PRCC: variants seen among roughly 807,000 people sequenced by gnomAD.
The protein encoded by PRCC is proline-rich protein PRCC.
PRCC carries 10 observed loss-of-function variants against 44.0 expected under a neutral mutation model. The ratio of observed to expected loss-of-function variants is 0.23; its 90% CI spans 0.14 to 0.39. PRCC has a LOEUF of 0.39. Ranked by LOEUF, PRCC falls within the 10% of genes least tolerant of loss-of-function variation. PRCC has a pLI of 1.00. For missense variants in PRCC, 573 were observed against 624.7 expected (o/e 0.92, Z 0.88); for synonymous variants, 278 against 259.5 (o/e 1.07, Z -0.69).
At position 156,791,682 on chromosome 1, in the gene PRCC, C is replaced by G. The variant is rs374148757; in HGVS notation, c.1084-15C>G. 238 of 1,604,816 alleles carry G rather than the reference C, an allele frequency of 1.5e-4. No individual in the cohort carries two copies. Among genetic ancestry groups the G allele is most frequent in the Non-Finnish European group, 1.9e-4 (224 of 1,175,890 alleles). ...GCCCTCAGTTGGTGTGTTTTTCTTT[C>G]CTGTTTGGCTGCAGGATTATTACAG... On this transcript the variant is annotated splice_polypyrimidine_tract_variant and intron_variant, in intron 3 of 6. Transcript: ENST00000271526.
In PRCC at chr1:156,786,952, A is replaced by C; in HGVS notation, c.861A>C (p.Gly287=). The C allele has an allele frequency of 6.2e-7, 1 of 1,614,200 alleles. No individual in the cohort carries two copies. ...FSLPEKAEPP[G]VEPYPYPIPT... The stretch of plus-strand genomic sequence containing the variant: ...TCCCTGAAAAGGCTGAGCCACCTGG[A>C]GTTGAGCCATACCCTTACCCCATCC... The change falls in exon 3 of 7, where the codon GGA becomes GGC. Residue 287 remains glycine (G), a synonymous_variant. Transcript: ENST00000271526.
At chr1:156,769,609 AT>A (rs997373821) in intron 1 of PRCC, among the ~76,000 whole-genome samples, 4 of 146,982 alleles carry the variant, frequency 2.7e-5, no homozygotes, top group African/African-American at 1.0e-4. Context: ...TTTTATTTTT[AT>A]TTTTTTTGAG....
intron 2 of PRCC, among the ~76,000 whole-genome samples, chr1:156,785,128 T>C (rs1652190143): frequency 6.6e-6 from 1 of 152,144 alleles, no homozygotes; most frequent in African/African-American, 2.4e-5. Flanking sequence ...TTAGGGAAAT[T>C]TGCAAGCTGA....
intron 1 of PRCC, among the ~76,000 whole-genome samples, chr1:156,777,421 G>A (rs947287035): frequency 1.3e-5 from 2 of 152,078 alleles, no homozygotes; most frequent in African/African-American, 4.8e-5. Context: ...TGAGTAAATT[G>A]CCTGATACAT....
intron 6 of PRCC, among the ~76,000 whole-genome samples, chr1:156,798,008 A>G (rs910929798): frequency 5.3e-5 from 8 of 151,952 alleles, no homozygotes. Flanking sequence ...CAGTGGTACA[A>G]TCATGGCTTA....
chr1:156,771,690 T>TC (rs1651642878), intron 1 of PRCC, among the ~76,000 whole-genome samples: 1 of 151,596 alleles, frequency 6.6e-6, no homozygotes, highest in South Asian at 2.1e-4. Flanking sequence ...AATGTTTTTT[T>TC]TTTTTCTTCT....
At position 156,767,906 on chromosome 1, in the gene PRCC, C is replaced by T. The variant is rs369138151; in HGVS notation, c.135C>T (p.Pro45=). The T allele has an allele frequency of 2.9e-5, 47 of 1,602,108 alleles. No individual in the cohort carries two copies. The highest frequency in any genetic ancestry group is 2.0e-4 in the Admixed American group (12 of 58,542). ...LGGLFASLPA[P]KGPALLPPPP... is the part of the protein sequence containing the mutation. ...GCTTGTTCGCTTCTCTCCCTGCGCC[C>T]AAGGGTCCGGCCTTGCTGCCTCCGC... Residue 45 remains proline, a synonymous_variant, in exon 1 of 7, where the codon CCC becomes CCT. Coordinates refer to ENST00000271526, the MANE Select transcript of PRCC (RefSeq NM_005973.5).
intron 1 of PRCC, among the ~76,000 whole-genome samples, chr1:156,780,967 G>A (rs1322462360): frequency 6.6e-6 from 1 of 152,158 alleles, no homozygotes; most frequent in Non-Finnish European, 1.5e-5. Flanking sequence ...GACCTCAGGT[G>A]ATCTGCCTGT....
At chr1:156,776,563 T>C (rs1316815696) in intron 1 of PRCC, among the ~76,000 whole-genome samples, 1 of 152,242 alleles carries the variant, frequency 6.6e-6, no homozygotes, top group Non-Finnish European at 1.5e-5. Flanking sequence ...GAATTTTCTT[T>C]CCACAGTGGA....
intron 1 of PRCC, among the ~76,000 whole-genome samples, chr1:156,774,861 G>C (rs1180771148): frequency 6.6e-6 from 1 of 150,542 alleles, no homozygotes; most frequent in Non-Finnish European, 1.5e-5. Context: ...CTGAGGCAGA[G>C]AATTGCTTGA....
Position 156,796,983 on chromosome 1 carries a change from G to A in PRCC, c.1324-293G>A, listed in dbSNP as rs1043514848. 17 of 347,360 alleles carry A rather than the reference G, an allele frequency of 4.9e-5. 1 individual carries two copies. The highest frequency in any genetic ancestry group is 3.0e-4 in the South Asian group (10 of 33,440). The allele number at this position is 347,360 out of a possible 1,614,324, so 21.5% of individuals were successfully genotyped here. ...ACCCCATGCTGGGTGCTAGGGGTGG[G>A]GTGGGATTACCAAAGACGCAGAAGA... On this transcript the variant is annotated intron_variant, in intron 5 of 6. Transcript: ENST00000271526.
chr1:156,772,344 A>G (rs1489901967), intron 1 of PRCC, among the ~76,000 whole-genome samples: 4 of 152,220 alleles, frequency 2.6e-5, no homozygotes, highest in African/African-American at 7.2e-5. Context: ...ATATTATCCA[A>G]TCATCTGCAG....
intron 3 of PRCC, among the ~76,000 whole-genome samples, chr1:156,790,894 A>C (rs953218235): frequency 2.6e-5 from 4 of 152,218 alleles, no homozygotes; most frequent in Non-Finnish European, 5.9e-5. Context: ...ACCTATTTTC[A>C]TTTAGCTCAT....
intron 1 of PRCC, among the ~76,000 whole-genome samples, chr1:156,775,047 G>A (rs1237324433): frequency 2.0e-5 from 3 of 151,742 alleles, no homozygotes; most frequent in African/African-American, 7.3e-5. Flanking sequence ...AGGAGATCGA[G>A]AGCATCCTGG....
At chr1:156,780,290 C>A (rs762372441) in intron 1 of PRCC, among the ~76,000 whole-genome samples, 3 of 151,934 alleles carry the variant, frequency 2.0e-5, no homozygotes, top group Non-Finnish European at 4.4e-5. Context: ...AACTCCTGGG[C>A]TCAAGTAATC....
intron 2 of PRCC, among the ~76,000 whole-genome samples, chr1:156,786,047 T>C (rs1440087253): frequency 6.6e-6 from 1 of 152,158 alleles, no homozygotes. Flanking sequence ...CCTGACCTCA[T>C]GATCCGCCCA....
intron 3 of PRCC, among the ~76,000 whole-genome samples, chr1:156,787,421 A>C (rs2102765995): frequency 7.2e-6 from 1 of 138,100 alleles, no homozygotes; most frequent in South Asian, 2.3e-4. Flanking sequence ...TTTTTTATTG[A>C]TCCATAATAT....
intron 3 of PRCC, among the ~76,000 whole-genome samples, chr1:156,790,265 CTTG>C (rs1478154002): frequency 9.8e-5 from 15 of 152,326 alleles, no homozygotes; most frequent in Non-Finnish European, 1.0e-4. Flanking sequence ...GCTGTTAAGC[CTTG>C]TTGTTTCCTA....
intron 1 of PRCC, among the ~76,000 whole-genome samples, chr1:156,771,326 A>G (rs1651626521): frequency 6.6e-6 from 1 of 152,144 alleles, no homozygotes; most frequent in Non-Finnish European, 1.5e-5. Flanking sequence ...TTTCTACCTC[A>G]TTTTGGGGTT....
Sources: gnomAD v4.1 joint callset for allele counts (sites outside exome capture counted in the v4.1 genomes callset) on GRCh38, gnomAD v4.1.1 for gene constraint, MANE v1.5 for transcripts, NCBI Gene and HGNC (gene_info 2026-07-23, HGNC 2026-07-21) for gene names.